Variants in DACH1 observed in about 807,000 individuals in gnomAD.
DACH1 encodes the protein dachshund homolog 1.
A neutral mutation model predicts 54.2 loss-of-function variants in DACH1; 12 were observed. The ratio of observed to expected loss-of-function variants is 0.22; its 90% CI spans 0.14 to 0.36. The LOEUF is 0.36. DACH1 is among the 10% of genes least tolerant of loss of function. The probability of loss-of-function intolerance (pLI) is 1.00; values close to 1 mark genes in which losing one functional copy is unlikely to be tolerated. For synonymous variants in DACH1, 386 were observed against 366.2 expected (o/e 1.05, Z -0.62); for missense variants, 805 against 929.8 (o/e 0.87, Z 1.75).
intron 10 of DACH1, among the ~76,000 whole-genome samples, chr13:71,445,528 G>T (rs979180165): frequency 6.6e-6 from 1 of 152,080 alleles, no homozygotes; most frequent in African/African-American, 2.4e-5. Context: ...TCACATTCAG[G>T]TAGTTCTCTA....
chr13:71,496,008 G>A (rs1449391281), intron 6 of DACH1, among the ~76,000 whole-genome samples: 1 of 151,840 alleles, frequency 6.6e-6, no homozygotes. Context: ...CCAGGCAGGT[G>A]GATCACTTGA....
chr13:71,809,583 T>C (rs1362643471), intron 1 of DACH1, among the ~76,000 whole-genome samples: 5 of 152,120 alleles, frequency 3.3e-5, no homozygotes, highest in Non-Finnish European at 7.3e-5. Context: ...ATAAGGAATA[T>C]TTTTTTAAAT....
chr13:71,655,626 C>T (rs1879042492), intron 2 of DACH1, among the ~76,000 whole-genome samples: 2 of 152,178 alleles, frequency 1.3e-5, no homozygotes, highest in South Asian at 4.1e-4. Flanking sequence ...CCACCTCTGC[C>T]TCCCTAAGTG....
chr13:71,674,426 T>G (rs983283251), intron 2 of DACH1, among the ~76,000 whole-genome samples: 1 of 136,960 alleles, frequency 7.3e-6, no homozygotes, highest in African/African-American at 2.8e-5. Context: ...TAAAAGAGAG[T>G]CAGAGGGAGA....
intron 1 of DACH1, among the ~76,000 whole-genome samples, chr13:71,756,654 C>T (rs529368632): frequency 9.3e-4 from 142 of 152,166 alleles, no homozygotes; most frequent in Non-Finnish European, 1.5e-3. Flanking sequence ...GATGAACTCA[C>T]AGTCTAATGA....
intron 1 of DACH1, among the ~76,000 whole-genome samples, chr13:71,826,280 C>T (rs1888376870): frequency 6.6e-6 from 1 of 151,950 alleles, no homozygotes; most frequent in South Asian, 2.1e-4. Flanking sequence ...TTTAATGATT[C>T]TAAATTAAAT....
chr13:71,796,718 C>A (rs1887067059), intron 1 of DACH1, among the ~76,000 whole-genome samples: 1 of 152,058 alleles, frequency 6.6e-6, no homozygotes, highest in Admixed American at 6.6e-5. Flanking sequence ...ACATCACACA[C>A]TTTGTATAAA....
intron 10 of DACH1, among the ~76,000 whole-genome samples, chr13:71,457,420 C>T (rs1440528474): frequency 6.6e-6 from 1 of 151,900 alleles, no homozygotes; most frequent in Non-Finnish European, 1.5e-5. Flanking sequence ...TTATCATTCA[C>T]TATTCTAATT....
At chr13:71,675,185 G>A (rs552360381) in intron 2 of DACH1, 36 of 1,585,536 alleles carry the variant, frequency 2.3e-5, no homozygotes, top group Middle Eastern at 1.7e-4. Context: ...AAACCTCATC[G>A]TAACAGGCCT....
At chr13:71,704,700 A>G in intron 1 of DACH1, 1 of 197,718 alleles carries the variant, frequency 5.1e-6, no homozygotes, top group Non-Finnish European at 1.1e-5. Context: ...GACTGTGAAA[A>G]TGTTTCTCTT....
chr13:71,826,449 T>G (rs1476716679), intron 1 of DACH1, among the ~76,000 whole-genome samples: 1 of 151,974 alleles, frequency 6.6e-6, no homozygotes, highest in Admixed American at 6.6e-5. Flanking sequence ...ATTTCTCACG[T>G]GGCCAGCTGG....
At chr13:71,543,390 T>C (rs950313633) in intron 6 of DACH1, among the ~76,000 whole-genome samples, 1 of 152,064 alleles carries the variant, frequency 6.6e-6, no homozygotes, top group African/African-American at 2.4e-5. Flanking sequence ...TCAAGATATT[T>C]AGATGATTAA....
intron 4 of DACH1, among the ~76,000 whole-genome samples, chr13:71,560,294 T>C (rs1415064680): frequency 2.6e-5 from 4 of 152,068 alleles, no homozygotes; most frequent in African/African-American, 9.7e-5. Context: ...TAAAGAAGGA[T>C]TATTTATCAT....
intron 1 of DACH1, among the ~76,000 whole-genome samples, chr13:71,851,406 TTTTGA>T (rs1380289374): frequency 1.3e-5 from 2 of 152,198 alleles, no homozygotes; most frequent in Admixed American, 6.5e-5. Flanking sequence ...TTATTGGCCA[TTTTGA>T]TTTATTTATT....
At position 71,557,092 on chromosome 13, in the gene DACH1, C is replaced by T; in HGVS notation, c.1502G>A (p.Gly501Glu). ...LMGLSPNVLPGPKEGDLAGHD... is the reference protein window; with the variant it reads ...LMGLSPNVLPEPKEGDLAGHD... ...ACCGGCCAAATCTCCCTCTTTGGGC[C>T]CAGGAAGTACATTTGGTGATAAGCC... is the stretch of plus-strand genomic sequence containing the variant. Residue 501 changes from glycine to glutamate, a missense_variant, in exon 6 of 11, where the codon GGG becomes GAG. Transcript: ENST00000613252. 1.2e-6 allele frequency: 2 copies of T among 1,610,580 alleles called. No homozygotes were observed.
chr13:71,654,063 T>A lies in DACH1; in HGVS notation c.965-23346A>T, dbSNP rs865968121. On this transcript the variant is annotated intron_variant, in intron 2 of 10. Transcript: ENST00000613252. Reference sequence around the variant, plus strand: ...CATACACTATTTTAAATGAGGAGAATGATGTGCAAAGGGATAGGTAACCAT... The same window carrying A: ...CATACACTATTTTAAATGAGGAGAAAGATGTGCAAAGGGATAGGTAACCAT... Among the ~76,000 whole-genome samples, 5 of 152,110 alleles carry A rather than the reference T, an allele frequency of 3.3e-5. No individual in the cohort carries two copies. In the South Asian group the frequency reaches 1.0e-3, roughly 32 times the overall value.
chr13:71,717,406 T>G (rs1365481379), intron 1 of DACH1, among the ~76,000 whole-genome samples: 1 of 152,032 alleles, frequency 6.6e-6, no homozygotes, highest in Admixed American at 6.6e-5. Context: ...TGGTTTATTT[T>G]ACATTTCTTT....
At chr13:71,634,320 A>C (rs1397356015) in intron 2 of DACH1, among the ~76,000 whole-genome samples, 2 of 152,110 alleles carry the variant, frequency 1.3e-5, no homozygotes, top group Non-Finnish European at 2.9e-5. Flanking sequence ...CTTAGGATCC[A>C]GTCCAGTGCT....
intron 3 of DACH1, among the ~76,000 whole-genome samples, chr13:71,578,282 C>T (rs1017519972): frequency 6.6e-5 from 10 of 152,050 alleles, no homozygotes; most frequent in Non-Finnish European, 1.3e-4. Flanking sequence ...ATGAAAATGA[C>T]GGCAAGAGCA....
Sources: allele counts gnomAD v4.1 joint callset (sites outside exome capture counted in the v4.1 genomes callset), GRCh38; gene constraint gnomAD v4.1.1; transcripts MANE v1.5; gene names NCBI Gene and HGNC (gene_info 2026-07-23, HGNC 2026-07-21).